HEPACAM2: variants seen among roughly 807,000 people sequenced by gnomAD.
HEPACAM2 encodes the protein mitotic kinetics regulator.
In HEPACAM2, 49 loss-of-function variants were observed where a neutral mutation model predicts 49.6. That is an observed-to-expected ratio of 0.99 (90% CI 0.78 to 1.25). The LOEUF (loss-of-function observed/expected upper bound fraction) is 1.25, where lower values mean the gene tolerates loss of function less well. Among genes scored for constraint, HEPACAM2 ranks in the 50% most tolerant of loss-of-function variants. The probability of loss-of-function intolerance (pLI) is 0.00; values close to 1 mark genes in which losing one functional copy is unlikely to be tolerated. For missense variants in HEPACAM2, 525 were observed against 557.2 expected, an observed-to-expected ratio of 0.94 and a Z score of 0.58; for synonymous variants, 197 against 202.9, an observed-to-expected ratio of 0.97 and a Z score of 0.25.
intron 2 of HEPACAM2, among the ~76,000 whole-genome samples, chr7:93,217,723 C>G (rs1419502450): frequency 3.3e-5 from 5 of 151,960 alleles, no homozygotes; most frequent in African/African-American, 4.8e-5. Flanking sequence ...TCCTAGGGAC[C>G]TCATATTCTA....
At position 93,219,332 on chromosome 7, in the gene HEPACAM2, T is replaced by A. The variant is rs763580579; in HGVS notation, c.199A>T (p.Ile67Leu). 2 of 1,613,956 alleles carry A rather than the reference T, an allele frequency of 1.2e-6. No homozygotes were observed. The highest frequency in any genetic ancestry group is 1.7e-6 in the Non-Finnish European group (2 of 1,179,878). ...FHTPASDIQI[I>L]WLFERPHTMP... Reference sequence around the variant, plus strand: ...GTGTGGGGTCTCTCAAATAGCCATATGATCTGGATGTCTGATGCTGGAGTG... The same window carrying A: ...GTGTGGGGTCTCTCAAATAGCCATAAGATCTGGATGTCTGATGCTGGAGTG... The change falls in exon 2 of 10, where the codon ATA (isoleucine) becomes TTA (leucine). Residue 67 changes from isoleucine (I) to leucine (L), a missense_variant. Coordinates refer to ENST00000394468, the MANE Select transcript of HEPACAM2 (RefSeq NM_001039372.4).
In HEPACAM2 at chr7:93,199,700, CAA is replaced by C. The variant is rs200638746; in HGVS notation, c.1013-2092_1013-2091del. Reference sequence around the variant, plus strand: ...CCCTATATCTGTGGCATGCTAGTAACAAAGTCTTCAAAAAATTGCACATATAT... The same window carrying C: ...CCCTATATCTGTGGCATGCTAGTAACAGTCTTCAAAAAATTGCACATATAT... On this transcript the variant is annotated intron_variant, in intron 4 of 9. Transcript: ENST00000394468. 8.4e-3 allele frequency among the ~76,000 whole-genome samples: 1,280 copies of C among 152,100 alleles called. 21 individuals are homozygous for C. The highest frequency in any genetic ancestry group is 0.029 in the African/African-American group (1,204 of 41,512).
intron 4 of HEPACAM2, among the ~76,000 whole-genome samples, chr7:93,198,772 C>T (rs1467781751): frequency 2.0e-5 from 3 of 152,076 alleles, no homozygotes; most frequent in African/African-American, 7.2e-5. Context: ...GGTGGCTACA[C>T]AGCTCTGCAA....
intron 4 of HEPACAM2, among the ~76,000 whole-genome samples, chr7:93,208,131 T>C (rs1485205770): frequency 6.6e-6 from 1 of 151,900 alleles, no homozygotes; most frequent in East Asian, 1.9e-4. Flanking sequence ...GCTGTTTAAA[T>C]GGTGGAAGAG....
chr7:93,215,568 A>T lies in HEPACAM2; in HGVS notation c.548T>A (p.Leu183Gln), dbSNP rs779592005. 6.2e-7 allele frequency: 1 copy of T among 1,613,650 alleles called. No individual in the cohort carries two copies. The highest frequency in any genetic ancestry group is 8.5e-7 in the Non-Finnish European group (1 of 1,179,830). ...EGGTRLAYQWLKNGRPVHTSS... is the reference protein window; with the variant it reads ...EGGTRLAYQWQKNGRPVHTSS... ...GGTGTGGACAGGTCTCCCATTTTTT[A>T]GCCATTGGTAAGCTAGCCGAGTGCC... Residue 183 changes from leucine to glutamine, a missense_variant, in exon 3 of 10, where the codon CTA becomes CAA. By Grantham distance (113) the Leu-to-Gln change is moderately radical. Coordinates refer to ENST00000394468, the MANE Select transcript of HEPACAM2 (RefSeq NM_001039372.4).
upstream of HEPACAM2, among the ~76,000 whole-genome samples, chr7:93,230,120 T>C (rs756514516): frequency 7.9e-5 from 12 of 152,182 alleles, no homozygotes; most frequent in Non-Finnish European, 1.6e-4. Context: ...GCGTTTTCAG[T>C]GTCGAATAGA....
intron 4 of HEPACAM2, among the ~76,000 whole-genome samples, chr7:93,206,099 T>A (rs1432247233): frequency 6.6e-6 from 1 of 152,086 alleles, no homozygotes; most frequent in Non-Finnish European, 1.5e-5. Context: ...ATGCAGAAAG[T>A]TTAGGCAGTG....
chr7:93,197,657 T>C (rs1201268325), intron 4 of HEPACAM2, 47 bp from the exon 5 acceptor site: 2 of 1,418,568 alleles, frequency 1.4e-6, no homozygotes, highest in South Asian at 2.8e-5. Flanking sequence ...TGCTACAGTA[T>C]ATAACTTGAC....
chr7:93,189,322 C>G (rs781258107), intron 9 of HEPACAM2, 52 bp from the exon 10 acceptor site: 6 of 1,409,090 alleles, frequency 4.3e-6, no homozygotes, highest in Admixed American at 2.3e-5. Context: ...TTTTTCAGGT[C>G]TGCAGGTAAA....
intron 1 of HEPACAM2, chr7:93,225,930 A>G (rs1417510210): frequency 2.1e-6 from 3 of 1,433,212 alleles, no homozygotes; most frequent in Non-Finnish European, 2.8e-6. Flanking sequence ...AAAACGAAGC[A>G]GTAAACAGTT....
At chr7:93,231,645 C>A in the HEPACAM2 span, among the ~76,000 whole-genome samples, 7 of 152,168 alleles carry the variant, frequency 4.6e-5, no homozygotes, top group East Asian at 1.9e-4. Context: ...CCCAAAGACA[C>A]TTCTGTTCCT....
At chr7:93,197,420 A>G in intron 5 of HEPACAM2, 23 bp from the exon 6 acceptor site, 9 of 1,588,590 alleles carry the variant, frequency 5.7e-6, no homozygotes, top group Non-Finnish European at 7.7e-6. Context: ...GAGAAGAAAA[A>G]TGGTAAGGTT....
chr7:93,208,964 G>T, intron 3 of HEPACAM2, 88 bp from the exon 4 acceptor site: 1 of 1,190,812 alleles, frequency 8.4e-7, no homozygotes, highest in Non-Finnish European at 1.1e-6. Flanking sequence ...GCATTTTACT[G>T]TTTTTGAAAA....
In HEPACAM2 at chr7:93,215,402, A is replaced by G. The variant is rs1794276187; in HGVS notation, c.714T>C (p.Tyr238=). 1 of 1,611,078 alleles carries G rather than the reference A, an allele frequency of 6.2e-7. No homozygotes were observed. The highest frequency in any genetic ancestry group is 8.5e-7 in the Non-Finnish European group (1 of 1,178,104). ...MESDIIMPII[Y]YGPYGLQVNS... is the part of the protein sequence containing the mutation. ...TGAGTTAAAAAAAAATAAACTTACA[A>G]TATATGATGGGCATAATGATATCAC... The change falls in exon 3 of 10, where the codon TAT becomes TAC. Residue 238 remains tyrosine, a splice_region_variant and synonymous_variant. Transcript: ENST00000394468.
intron 4 of HEPACAM2, among the ~76,000 whole-genome samples, chr7:93,202,107 A>C (rs73218053): frequency 0.1 from 15,288 of 149,290 alleles, 1,316 homozygotes; most frequent in East Asian, 0.31. Context: ...GAATTGAAAA[A>C]AAATACCAAA....
At chr7:93,212,352 C>T (rs1794196710) in intron 3 of HEPACAM2, among the ~76,000 whole-genome samples, 1 of 151,886 alleles carries the variant, frequency 6.6e-6, no homozygotes, top group South Asian at 2.1e-4. Flanking sequence ...CTATATTTGG[C>T]TCTTCAGAAG....
At chr7:93,204,363 TATCTATCTATC>T in intron 4 of HEPACAM2, among the ~76,000 whole-genome samples, 2 of 150,970 alleles carry the variant, frequency 1.3e-5, no homozygotes, top group East Asian at 3.9e-4. Context: ...TCTATCTATC[TATCTATCTATC>T]ATCTCTCTGT....
chr7:93,210,580 T>G (rs1455791633), intron 3 of HEPACAM2, among the ~76,000 whole-genome samples: 5 of 151,886 alleles, frequency 3.3e-5, no homozygotes, highest in African/African-American at 1.2e-4. Context: ...TAATAAATAT[T>G]TATTTGAGAG....
the HEPACAM2 span, among the ~76,000 whole-genome samples, chr7:93,231,600 T>G: frequency 6.6e-6 from 1 of 152,244 alleles, no homozygotes; most frequent in South Asian, 2.1e-4. Context: ...TCTTCTCATA[T>G]TCTCATAATT....
Sources: allele counts gnomAD v4.1 joint callset (sites outside exome capture counted in the v4.1 genomes callset), GRCh38; gene constraint gnomAD v4.1.1; transcripts MANE v1.5; gene names NCBI Gene and HGNC (gene_info 2026-07-23, HGNC 2026-07-21).